Variants in TRIM2 observed in about 807,000 individuals in gnomAD.
TRIM2 encodes tripartite motif-containing protein 2.
Under a neutral mutation model 75.2 loss-of-function variants are expected in TRIM2, and 20 were observed. The observed-to-expected ratio is 0.27, with a 90% CI of 0.19 to 0.39. The LOEUF (loss-of-function observed/expected upper bound fraction) is 0.39. Among genes scored for constraint, TRIM2 ranks in the 10% least tolerant of loss-of-function variants. TRIM2 has a pLI of 1.00. For synonymous variants in TRIM2, 373 were observed against 388.3 expected (o/e 0.96, Z 0.46); for missense variants, 660 against 990.8 (o/e 0.67, Z 4.48).
intron 1 of TRIM2, among the ~76,000 whole-genome samples, chr4:153,210,355 G>A (rs1005942533): frequency 1.3e-5 from 2 of 152,112 alleles, no homozygotes; most frequent in Non-Finnish European, 2.9e-5. Context: ...GTGATCCACC[G>A]TGCCTGGGCT....
intron 1 of TRIM2, among the ~76,000 whole-genome samples, chr4:153,176,124 T>G (rs569492116): frequency 6.6e-6 from 1 of 152,036 alleles, no homozygotes; most frequent in South Asian, 2.1e-4. Context: ...ATGGTTAAAA[T>G]TTTTATATGT....
chr4:153,333,005 A>G (rs1182089674), intron 11 of TRIM2, among the ~76,000 whole-genome samples: 1 of 152,240 alleles, frequency 6.6e-6, no homozygotes, highest in Non-Finnish European at 1.5e-5. Flanking sequence ...ACGTCCACAC[A>G]AAAACCTGTA....
rs528267259 is a variant in TRIM2, at chr4:153,156,544, C to T, written c.-49+3274C>T. 4.6e-5 allele frequency among the ~76,000 whole-genome samples: 7 copies of T among 152,250 alleles called. No homozygotes were observed. The South Asian group carries it at 1.5e-3, about 32-fold the overall frequency. On this transcript the variant is annotated intron_variant, in intron 1 of 11. Coordinates refer to the TRIM2 transcript ENST00000437508. ...GATGGGGTGAGTGGGGTTCAGGAGGCCTGGGAAGTGTCCTGAAGCTGCCTC... is the reference window on the plus strand; with the variant it reads ...GATGGGGTGAGTGGGGTTCAGGAGGTCTGGGAAGTGTCCTGAAGCTGCCTC...
chr4:153,231,327 T>C (rs1341809361), intron 1 of TRIM2, among the ~76,000 whole-genome samples: 1 of 152,038 alleles, frequency 6.6e-6, no homozygotes, highest in Non-Finnish European at 1.5e-5. Context: ...TTAAGTACAA[T>C]GATGGTTCAG....
chr4:153,338,953 G>GTT lies in TRIM2; in HGVS notation c.*3998_*3999dup, dbSNP rs71598263. 2,340 of 830,754 alleles carry GTT rather than the reference G, an allele frequency of 2.8e-3. No homozygotes were observed. Among genetic ancestry groups the GTT allele is most frequent in the South Asian group, 4.4e-3 (82 of 18,570 alleles). 51.5% of individuals were successfully genotyped at this position (830,754 alleles called of 1,614,324 possible). A position where few individuals can be genotyped will look rare whatever the true frequency, so the allele number is the denominator to read the frequency against. On this transcript the variant is annotated 3_prime_UTR_variant, in exon 12 of 12. Transcript: ENST00000338700. Reference sequence around the variant, plus strand: ...CAAGCCTATGTATGAATATGAAGGGGTTTTTTTTTTTTGCTTTGTTTTCTT... The same window carrying GTT: ...CAAGCCTATGTATGAATATGAAGGGGTTTTTTTTTTTTTTGCTTTGTTTTCTT...
intron 6 of TRIM2, among the ~76,000 whole-genome samples, chr4:153,299,219 C>T (rs982881776): frequency 6.6e-6 from 1 of 152,102 alleles, no homozygotes; most frequent in African/African-American, 2.4e-5. Flanking sequence ...TTTTTAGATT[C>T]CTCATATAAG....
chr4:153,242,425 C>T (rs774907168), intron 1 of TRIM2, among the ~76,000 whole-genome samples: 17 of 151,888 alleles, frequency 1.1e-4, no homozygotes, highest in South Asian at 6.2e-4. Context: ...TGTGGATGGG[C>T]GGATTTTTAA....
upstream of TRIM2, among the ~76,000 whole-genome samples, chr4:153,203,561 C>G (rs2149683693): frequency 6.6e-6 from 1 of 150,642 alleles, no homozygotes; most frequent in Non-Finnish European, 1.5e-5. Context: ...GCACTCCAGC[C>G]TGGTCAACAC....
At chr4:153,265,226 GC>G (rs1383456492) in intron 1 of TRIM2, among the ~76,000 whole-genome samples, 24 of 150,790 alleles carry the variant, frequency 1.6e-4, no homozygotes, top group African/African-American at 5.4e-4. Flanking sequence ...ACCCAGCATG[GC>G]TCTGATTATT....
At chr4:153,265,808 G>A (rs762809186) in intron 1 of TRIM2, 7 of 152,068 alleles carry the variant, frequency 4.6e-5, no homozygotes, top group South Asian at 4.1e-4. Flanking sequence ...TTAAACTTAC[G>A]TCATCAATTT....
chr4:153,230,206 G>A (rs983386348), intron 1 of TRIM2, among the ~76,000 whole-genome samples: 9 of 152,032 alleles, frequency 5.9e-5, no homozygotes, highest in African/African-American at 2.2e-4. Flanking sequence ...TAAGAGACAA[G>A]GTCTTGCTCT....
chr4:153,231,712 G>C (rs764353137), intron 1 of TRIM2, among the ~76,000 whole-genome samples: 7 of 152,150 alleles, frequency 4.6e-5, no homozygotes, highest in Non-Finnish European at 1.0e-4. Flanking sequence ...CTAGCATCCG[G>C]CTGTCCCACG....
chr4:153,224,711 TC>T (rs1200642361), intron 1 of TRIM2, among the ~76,000 whole-genome samples: 1 of 152,228 alleles, frequency 6.6e-6, no homozygotes, highest in Non-Finnish European at 1.5e-5. Flanking sequence ...ATTGTATCTG[TC>T]AAAAATAAGC....
At chr4:153,231,597 T>TGGA (rs1264655374) in intron 1 of TRIM2, among the ~76,000 whole-genome samples, 1 of 151,732 alleles carries the variant, frequency 6.6e-6, no homozygotes, top group Non-Finnish European at 1.5e-5. Flanking sequence ...AATAAGGAGG[T>TGGA]GGAATCAAAG....
intron 3 of TRIM2, among the ~76,000 whole-genome samples, chr4:153,285,335 T>C (rs1560948766): frequency 1.3e-5 from 2 of 152,222 alleles, no homozygotes; most frequent in African/African-American, 4.8e-5. Context: ...TTGATTACTG[T>C]AGCATTATAG....
chr4:153,238,706 C>T (rs1745658947), intron 1 of TRIM2, among the ~76,000 whole-genome samples: 1 of 152,178 alleles, frequency 6.6e-6, no homozygotes, highest in Admixed American at 6.5e-5. Context: ...TGTAGCAATT[C>T]CAGCTCCAGT....
At chr4:153,291,742 G>T (rs572958405) in intron 3 of TRIM2, among the ~76,000 whole-genome samples, 2 of 152,134 alleles carry the variant, frequency 1.3e-5, no homozygotes, top group African/African-American at 4.8e-5. Flanking sequence ...GTAAGCAGAT[G>T]ATGTCATCAT....
chr4:153,253,205 G>A (rs1366117403), intron 1 of TRIM2, among the ~76,000 whole-genome samples: 1 of 152,196 alleles, frequency 6.6e-6, no homozygotes, highest in Non-Finnish European at 1.5e-5. Context: ...GGAGGCAGGA[G>A]AGGCTGAGAG....
chr4:153,315,017 C>T (rs1319234846), intron 6 of TRIM2, among the ~76,000 whole-genome samples: 1 of 152,122 alleles, frequency 6.6e-6, no homozygotes, highest in Non-Finnish European at 1.5e-5. Context: ...CCCAAATGCC[C>T]CACACACCCC....
Sources: allele counts gnomAD v4.1 joint callset (sites outside exome capture counted in the v4.1 genomes callset), GRCh38; gene constraint gnomAD v4.1.1; transcripts MANE v1.5; gene names NCBI Gene and HGNC (gene_info 2026-07-23, HGNC 2026-07-21).